SEMA3E: variants seen among roughly 807,000 people sequenced by gnomAD.
The protein encoded by SEMA3E is semaphorin 3E.
Under a neutral mutation model 93.6 loss-of-function variants are expected in SEMA3E, and 49 were observed. The ratio of observed to expected loss-of-function variants is 0.52; its 90% CI spans 0.42 to 0.66. The LOEUF (loss-of-function observed/expected upper bound fraction) is 0.66. SEMA3E is among the 30% of genes least tolerant of loss of function. The pLI, the probability that SEMA3E is intolerant of heterozygous loss-of-function variation, is 0.00. For missense variants in SEMA3E, 906 were observed against 964.8 expected (o/e 0.94, Z 0.81); for synonymous variants, 363 against 330.7 (o/e 1.10, Z -1.06).
intron 5 of SEMA3E, among the ~76,000 whole-genome samples, chr7:83,417,969 A>T (rs1197014240): frequency 6.6e-6 from 1 of 152,174 alleles, no homozygotes; most frequent in African/African-American, 2.4e-5. Flanking sequence ...GCTGAATTCT[A>T]CTAATAACAG....
At chr7:83,368,708 T>C (rs1441912818) in intron 16 of SEMA3E, among the ~76,000 whole-genome samples, 1 of 152,228 alleles carries the variant, frequency 6.6e-6, no homozygotes, top group Non-Finnish European at 1.5e-5. Flanking sequence ...TCAATATACC[T>C]TCAGTGCTCA....
At chr7:83,390,146 TATACGTGTGCAC>T (rs1248587579) in intron 14 of SEMA3E, among the ~76,000 whole-genome samples, 1 of 35,248 alleles carries the variant, frequency 2.8e-5, no homozygotes, top group African/African-American at 1.0e-4. Flanking sequence ...TATATGCGCG[TATACGTGTGCAC>T]ATATATGCGC....
At chr7:83,495,671 T>G (rs1423128515) in intron 1 of SEMA3E, among the ~76,000 whole-genome samples, 1 of 151,916 alleles carries the variant, frequency 6.6e-6, no homozygotes, top group African/African-American at 2.4e-5. Context: ...ATCAACACTG[T>G]TCTGTGAATA....
At chr7:83,424,679 A>T (rs1040429350) in intron 4 of SEMA3E, among the ~76,000 whole-genome samples, 1 of 152,188 alleles carries the variant, frequency 6.6e-6, no homozygotes, top group African/African-American at 2.4e-5. Context: ...ACATGGCAAA[A>T]GGGACTTTAC....
At chr7:83,567,587 A>T (rs1425462490) in intron 1 of SEMA3E, among the ~76,000 whole-genome samples, 1 of 152,184 alleles carries the variant, frequency 6.6e-6, no homozygotes, top group African/African-American at 2.4e-5. Flanking sequence ...TAACACCAGA[A>T]GTCAGTAACA....
chr7:83,428,963 T>G (rs1788828679), intron 4 of SEMA3E, among the ~76,000 whole-genome samples: 1 of 152,122 alleles, frequency 6.6e-6, no homozygotes, highest in Non-Finnish European at 1.5e-5. Flanking sequence ...AATTCCATAT[T>G]CATTTGCAGT....
At chr7:83,418,746 T>A (rs1218133111) in intron 4 of SEMA3E, among the ~76,000 whole-genome samples, 3 of 152,172 alleles carry the variant, frequency 2.0e-5, no homozygotes. Context: ...TTTATGAGAC[T>A]GTATTATTTA....
intron 1 of SEMA3E, among the ~76,000 whole-genome samples, chr7:83,563,458 C>A (rs1415213354): frequency 6.6e-6 from 1 of 152,132 alleles, no homozygotes; most frequent in East Asian, 1.9e-4. Context: ...ATGTTAATGC[C>A]TCTCACAGGT....
At chr7:83,532,553 G>A (rs913060601) in intron 1 of SEMA3E, among the ~76,000 whole-genome samples, 1 of 152,044 alleles carries the variant, frequency 6.6e-6, no homozygotes, top group Non-Finnish European at 1.5e-5. Flanking sequence ...TAAGAAGAAC[G>A]TAAAGACAAA....
chr7:83,445,158 C>T (rs563379772), intron 4 of SEMA3E, among the ~76,000 whole-genome samples: 2 of 152,196 alleles, frequency 1.3e-5, no homozygotes, highest in African/African-American at 4.8e-5. Flanking sequence ...GTGATAGATG[C>T]ACCTTGAGTG....
chr7:83,633,050 T>TTTG (rs907403738), intron 1 of SEMA3E, among the ~76,000 whole-genome samples: 11 of 152,152 alleles, frequency 7.2e-5, no homozygotes, highest in East Asian at 1.9e-4. Flanking sequence ...AATGAACGAT[T>TTTG]TTGTTGTTGT....
intron 1 of SEMA3E, among the ~76,000 whole-genome samples, chr7:83,504,321 A>G (rs1326497098): frequency 6.6e-6 from 1 of 152,212 alleles, no homozygotes; most frequent in African/African-American, 2.4e-5. Context: ...CATCTACATT[A>G]TAATAACAAA....
intron 1 of SEMA3E, among the ~76,000 whole-genome samples, chr7:83,600,845 TCTAG>T (rs1339768713): frequency 2.0e-5 from 3 of 152,152 alleles, no homozygotes; most frequent in Non-Finnish European, 4.4e-5. Flanking sequence ...TAGACTAGAC[TCTAG>T]AGAGTCATGG....
At chr7:83,542,805 T>C (rs1328088846) in intron 1 of SEMA3E, among the ~76,000 whole-genome samples, 1 of 152,170 alleles carries the variant, frequency 6.6e-6, no homozygotes, top group East Asian at 1.9e-4. Context: ...TAGTAATTTA[T>C]CTGCTTTCAT....
chr7:83,436,173 CAT>C (rs936846538), intron 4 of SEMA3E, among the ~76,000 whole-genome samples: 16 of 151,770 alleles, frequency 1.1e-4, no homozygotes, highest in African/African-American at 2.2e-4. Flanking sequence ...AGTTCTCTAA[CAT>C]ATGTGTGTGT....
chr7:83,600,711 A>C (rs1161820725), intron 1 of SEMA3E, among the ~76,000 whole-genome samples: 1 of 152,092 alleles, frequency 6.6e-6, no homozygotes, highest in African/African-American at 2.4e-5. Context: ...AGAAAAAAAT[A>C]GTACTTTTTG....
intron 1 of SEMA3E, among the ~76,000 whole-genome samples, chr7:83,598,693 G>C (rs1196185641): frequency 6.6e-6 from 1 of 152,162 alleles, no homozygotes; most frequent in Non-Finnish European, 1.5e-5. Flanking sequence ...GTCTTAAAGG[G>C]ACCAAACGTT....
chr7:83,578,555 C>G (rs929668513), intron 1 of SEMA3E, among the ~76,000 whole-genome samples: 1 of 151,618 alleles, frequency 6.6e-6, no homozygotes, highest in African/African-American at 2.4e-5. Context: ...GACTCCGTCT[C>G]AACAAAAAAG....
intron 4 of SEMA3E, among the ~76,000 whole-genome samples, chr7:83,445,131 C>T (rs1562785698): frequency 6.6e-6 from 1 of 152,098 alleles, no homozygotes; most frequent in Non-Finnish European, 1.5e-5. Flanking sequence ...TAACAATAAC[C>T]AGTCCGTTTC....
Sources: allele counts gnomAD v4.1 joint callset (sites outside exome capture counted in the v4.1 genomes callset), GRCh38; gene constraint gnomAD v4.1.1; transcripts MANE v1.5; gene names NCBI Gene and HGNC (gene_info 2026-07-23, HGNC 2026-07-21).